The following NEK6 variants were observed in gnomAD, a reference collection of about 807,000 sequenced individuals.
NEK6 encodes the protein serine/threonine-protein kinase Nek6.
NEK6 carries 27 observed loss-of-function variants against 43.5 expected under a neutral mutation model. The ratio of observed to expected loss-of-function variants is 0.62; its 90% CI spans 0.46 to 0.86. The LOEUF is 0.86. Among genes scored for constraint, NEK6 ranks in the 40% least tolerant of loss-of-function variants. NEK6 has a pLI of 0.00. For synonymous variants in NEK6, 167 were observed against 164.1 expected (o/e 1.02, Z -0.14); for missense variants, 318 against 414.4 (o/e 0.77, Z 2.02).
intron 1 of NEK6, among the ~76,000 whole-genome samples, chr9:124,278,387 C>A (rs992486929): frequency 6.7e-6 from 1 of 150,024 alleles, no homozygotes; most frequent in African/African-American, 2.4e-5. Context: ...TTTGTAGGTT[C>A]CCCTAGGTGA....
intron 4 of NEK6, among the ~76,000 whole-genome samples, chr9:124,319,318 T>TA (rs1415557090): frequency 6.6e-6 from 1 of 152,152 alleles, no homozygotes; most frequent in East Asian, 1.9e-4. Context: ...TGTTTTTTTT[T>TA]ATTGATTTAA....
In NEK6 at chr9:124,301,988, G is replaced by A; in HGVS notation, c.24G>A (p.Met8Ile). ...GGATGGCAGGACAGCCCGGCCACAT[G>A]CCCCATGGAGGGAGTTCCAACAACC... MAGQPGH[M>I]PHGGSSNNLC... is the part of the protein sequence containing the mutation. The change falls in exon 2 of 10, where the codon ATG (methionine) becomes ATA (isoleucine). Residue 8 changes from methionine (M) to isoleucine (I), a missense_variant. By Grantham distance (10) the Met-to-Ile change is conservative. This residue lies in a region of NEK6 where 239 missense variants were observed against 344.4 expected (regional missense o/e 0.69). Coordinates refer to ENST00000320246, the MANE Select transcript of NEK6 (RefSeq NM_014397.6). The A allele has an allele frequency of 1.9e-6, 3 of 1,603,604 alleles. No individual in the cohort carries two copies. The highest frequency in any genetic ancestry group is 1.7e-6 in the Non-Finnish European group (2 of 1,175,068).
intron 9 of NEK6, among the ~76,000 whole-genome samples, chr9:124,350,458 TGA>T (rs974976961): frequency 6.6e-6 from 1 of 151,922 alleles, no homozygotes; most frequent in African/African-American, 2.4e-5. Flanking sequence ...GCCCTTGCCT[TGA>T]GTTTTGTCCT....
intron 1 of NEK6, among the ~76,000 whole-genome samples, chr9:124,264,207 G>GTCC (rs1179372081): frequency 1.3e-5 from 2 of 152,234 alleles, no homozygotes; most frequent in African/African-American, 4.8e-5. Context: ...AGAGATCCTT[G>GTCC]TCCTCCGGAA....
chr9:124,269,511 T>C (rs113171806), intron 1 of NEK6, among the ~76,000 whole-genome samples: 11,036 of 152,016 alleles, frequency 0.073, 526 homozygotes, highest in Non-Finnish European at 0.11. Flanking sequence ...GTAGCTGGGA[T>C]TACAGGCACC....
Position 124,324,912 on chromosome 9 carries a change from C to T in NEK6, c.406-1418C>T, listed in dbSNP as rs1363347166. On this transcript the variant is annotated intron_variant, in intron 5 of 9. Transcript: ENST00000320246. This position sits in a 1 kb window ranked among gnomAD's most constrained non-coding sequence, Gnocchi z 5.3. ...TAAGGGGGCCAGGCGTGGTGGCTCA[C>T]GCCTGTAATCCCAGCACTTTGGGAG... 2.0e-5 allele frequency among the ~76,000 whole-genome samples: 3 copies of T among 152,104 alleles called. No individual in the cohort carries two copies. Among genetic ancestry groups the T allele is most frequent in the Non-Finnish European group, 2.9e-5 (2 of 67,996 alleles).
intron 1 of NEK6, among the ~76,000 whole-genome samples, chr9:124,278,144 C>T (rs189076344): frequency 6.6e-6 from 1 of 152,330 alleles, no homozygotes; most frequent in East Asian, 1.9e-4. Context: ...GACTGCAGTA[C>T]TCGGTACAGG....
intron 9 of NEK6, among the ~76,000 whole-genome samples, chr9:124,350,448 G>A (rs1034412616): frequency 2.6e-5 from 4 of 152,146 alleles, no homozygotes; most frequent in African/African-American, 9.7e-5. Flanking sequence ...TGATCAATAA[G>A]CCCTTGCCTT....
At chr9:124,292,357 G>C in intron 1 of NEK6, 1 of 1,497,660 alleles carries the variant, frequency 6.7e-7, no homozygotes, top group South Asian at 1.3e-5. Flanking sequence ...GTAATCCCTG[G>C]GCTTGGCCAG....
intron 1 of NEK6, among the ~76,000 whole-genome samples, chr9:124,281,649 T>TG (rs1831917785): frequency 6.6e-6 from 1 of 151,908 alleles, no homozygotes; most frequent in African/African-American, 2.4e-5. Context: ...TACAGGTGCC[T>TG]GCCACCACAC....
chr9:124,269,092 G>A (rs1014658048), intron 1 of NEK6, among the ~76,000 whole-genome samples: 1 of 152,122 alleles, frequency 6.6e-6, no homozygotes, highest in Admixed American at 6.6e-5. Context: ...AGCGCTTGCC[G>A]AGTGCTGTAC....
chr9:124,300,611 C>T (rs1832918390), intron 1 of NEK6, among the ~76,000 whole-genome samples: 1 of 152,128 alleles, frequency 6.6e-6, no homozygotes, highest in African/African-American at 2.4e-5. Context: ...CTGGGAGAAC[C>T]ACTCAGGGAG....
chr9:124,289,761 G>A (rs774143597), intron 1 of NEK6, among the ~76,000 whole-genome samples: 8 of 152,306 alleles, frequency 5.3e-5, no homozygotes, highest in African/African-American at 7.2e-5. Flanking sequence ...TTTGTCAGCC[G>A]TATAAGAAGC....
chr9:124,261,968 T>TG (rs998771134), intron 1 of NEK6, among the ~76,000 whole-genome samples: 3 of 151,944 alleles, frequency 2.0e-5, no homozygotes, highest in African/African-American at 7.3e-5. Context: ...TTTTTTTTTT[T>TG]GCTGACATCA....
In NEK6 at chr9:124,324,735, G is replaced by C; in HGVS notation, c.406-1595G>C. Among the ~76,000 whole-genome samples, 1 of 152,232 alleles carries C rather than the reference G, an allele frequency of 6.6e-6. No homozygotes were observed. Among genetic ancestry groups the C allele is most frequent in the Admixed American group, 6.5e-5 (1 of 15,292 alleles). On this transcript the variant is annotated intron_variant, in intron 5 of 9. Coordinates refer to ENST00000320246, the MANE Select transcript of NEK6 (RefSeq NM_014397.6). This position sits in a 1 kb window ranked among gnomAD's most constrained non-coding sequence, Gnocchi z 5.3. Reference sequence around the variant, plus strand: ...TCAGAACAGCCTCGAGGGGATTTACGGCGAGGTCAGGGGCTCCCCACTGCG... The same window carrying C: ...TCAGAACAGCCTCGAGGGGATTTACCGCGAGGTCAGGGGCTCCCCACTGCG...
chr9:124,268,152 C>T (rs1054942705), intron 1 of NEK6, among the ~76,000 whole-genome samples: 3 of 152,126 alleles, frequency 2.0e-5, no homozygotes, highest in African/African-American at 7.2e-5. Context: ...ATTTAATGAC[C>T]CAGAAAAACC....
At position 124,343,919 on chromosome 9, in the gene NEK6, A is replaced by G. The variant is rs1322505325; in HGVS notation, c.718-3790A>G. 2.6e-5 allele frequency among the ~76,000 whole-genome samples: 4 copies of G among 152,292 alleles called. No individual in the cohort carries two copies. The highest frequency in any genetic ancestry group is 1.3e-4 in the Admixed American group (2 of 15,304). On this transcript the variant is annotated intron_variant, in intron 8 of 9. Transcript: ENST00000320246. The surrounding 1 kb of genome is among the most constrained non-coding windows in gnomAD (Gnocchi z 5.1). ...CACCACGCCGATGGCTTCAAGCAAC[A>G]TAAGTTTACTCTCTTAGATCTCGAG...
At chr9:124,345,108 C>T (rs770225215) in intron 8 of NEK6, among the ~76,000 whole-genome samples, 3 of 152,198 alleles carry the variant, frequency 2.0e-5, no homozygotes, top group African/African-American at 4.8e-5. Context: ...CCCTTTTCCT[C>T]GGCTATATGT....
chr9:124,293,102 G>T lies in NEK6; in HGVS notation c.-29-8834G>T, dbSNP rs536582674. 844 of 1,325,642 alleles carry T rather than the reference G, an allele frequency of 6.4e-4. 1 individual carries two copies. The highest frequency in any genetic ancestry group is 7.9e-4 in the Non-Finnish European group (809 of 1,028,456). 82.1% of individuals were successfully genotyped at this position (1,325,642 alleles called of 1,614,324 possible). A position where few individuals can be genotyped will look rare whatever the true frequency, so the allele number is the denominator to read the frequency against. Reference sequence around the variant, plus strand: ...CTGGGACTCCTAGAGTGAGACCGCAGCTCTCCCCAGCTGCATTGTGGTCAC... The same window carrying T: ...CTGGGACTCCTAGAGTGAGACCGCATCTCTCCCCAGCTGCATTGTGGTCAC... On this transcript the variant is annotated intron_variant, in intron 1 of 9. Transcript: ENST00000320246.
Sources: gnomAD v4.1 joint callset for allele counts (sites outside exome capture counted in the v4.1 genomes callset) on GRCh38, gnomAD v4.1.1 for gene constraint, gnomAD v4.1.1 regional missense constraint, Gnocchi (gnomAD v3.1) non-coding constraint, MANE v1.5 for transcripts, NCBI Gene and HGNC (gene_info 2026-07-23, HGNC 2026-07-21) for gene names.